The following TTK variants were observed in gnomAD, a reference collection of about 807,000 sequenced individuals.
The protein encoded by TTK is TTK protein kinase.
Under a neutral mutation model 117.3 loss-of-function variants are expected in TTK, and 59 were observed. That is an observed-to-expected ratio of 0.50 (90% CI 0.41 to 0.62). The LOEUF is 0.62. Ranked by LOEUF, TTK falls within the 20% of genes least tolerant of loss-of-function variation. The pLI is 0.00. For missense variants in TTK, 921 were observed against 989.4 expected (o/e 0.93, Z 0.93); for synonymous variants, 302 against 325.0 (o/e 0.93, Z 0.76).
At chr6:80,035,178 T>C in intron 15 of TTK, 36 bp downstream of exon 15, 11 of 1,529,062 alleles carry the variant, frequency 7.2e-6, no homozygotes, top group Non-Finnish European at 9.6e-6. Context: ...AGAAAACTTT[T>C]TGCCATAATT....
chr6:80,013,489 A>T, intron 9 of TTK, 123 bp downstream of exon 9: 1 of 734,090 alleles, frequency 1.4e-6, no homozygotes. Context: ...AGTGTTCCAC[A>T]TACCCCAAGA....
At chr6:80,031,390 G>T (rs139927731) in intron 13 of TTK, 77 bp from the exon 14 acceptor site, 1 of 699,822 alleles carries the variant, frequency 1.4e-6, no homozygotes, top group Non-Finnish European at 2.1e-6. Flanking sequence ...AAAATGGGGA[G>T]CAGTTGACTG....
chr6:80,011,766 C>A lies in TTK; in HGVS notation c.766C>A (p.Arg256=). ...ACCACAAGATGCAGAAATAGGTTAC[C>A]GGAATTCATTGAGACAAACTAACAA... The part of the protein sequence containing the change: ...MPPQDAEIGY[R]NSLRQTNKTK... Residue 256 remains arginine, a synonymous_variant, in exon 7 of 22, where the codon CGG becomes AGG. Transcript: ENST00000369798. The A allele has an allele frequency of 6.2e-7, 1 of 1,612,600 alleles. No individual in the cohort carries two copies. The highest frequency in any genetic ancestry group is 8.5e-7 in the Non-Finnish European group (1 of 1,179,146).
chr6:80,024,140 ACCTT>A lies in TTK; in HGVS notation c.1257+1670_1257+1673del, dbSNP rs559763562. On this transcript the variant is annotated intron_variant, in intron 11 of 21. Transcript: ENST00000369798. ...TGGCAAGGATGTGGAGAATTTTAGA[ACCTT>A]CATATGCTGCTAGTGGGAATGTAAA... 4.7e-4 allele frequency among the ~76,000 whole-genome samples: 71 copies of A among 152,340 alleles called. 1 individual carries two copies. In the South Asian group the frequency reaches 0.011, roughly 24 times the overall value.
chr6:80,011,054 T>A (rs1342452743), intron 5 of TTK, 97 bp downstream of exon 5: 1 of 1,348,592 alleles, frequency 7.4e-7, no homozygotes, highest in Non-Finnish European at 9.8e-7. Flanking sequence ...TTATGTAGAA[T>A]GGTTAAAATC....
chr6:80,035,731 A>G (rs1266180457), intron 16 of TTK, among the ~76,000 whole-genome samples: 1 of 152,136 alleles, frequency 6.6e-6, no homozygotes, highest in East Asian at 1.9e-4. Flanking sequence ...GGGTTCAGGC[A>G]TCCTGAAAAT....
intron 18 of TTK, 36 bp from the exon 19 acceptor site, chr6:80,039,660 C>G: frequency 6.8e-7 from 1 of 1,460,598 alleles, no homozygotes; most frequent in Non-Finnish European, 9.0e-7. Flanking sequence ...ATGAAAATAA[C>G]AGCAACTTTT....
At position 80,026,259 on chromosome 6, in the gene TTK, A is replaced by G. The variant is rs1255667235; in HGVS notation, c.1258-119A>G. 6 of 1,039,102 alleles carry G rather than the reference A, an allele frequency of 5.8e-6. No individual in the cohort carries two copies. In the Admixed American group the frequency reaches 1.5e-4, roughly 25 times the overall value. 64.4% of individuals were successfully genotyped at this position (1,039,102 alleles called of 1,614,324 possible). ...ATGTATATATATGCCTATCTCTTTT[A>G]GTATGCCTTTGTATATCATATGTTA... is the stretch of plus-strand genomic sequence containing the variant. On this transcript the variant is annotated intron_variant, in intron 11 of 21. Transcript: ENST00000369798.
chr6:80,036,609 A>G lies in TTK; in HGVS notation c.2049+10A>G, dbSNP rs1371468757. On this transcript the variant is annotated intron_variant, in intron 17 of 21. Coordinates refer to ENST00000369798, the MANE Select transcript of TTK (RefSeq NM_003318.5). ...TGTTAAAGATTCTCAGGTAAGACTT[A>G]ATGTTGGTTCTCTCACAGTAGAGTT... 1.1e-5 allele frequency: 17 copies of G among 1,602,560 alleles called. No homozygotes were observed. The highest frequency in any genetic ancestry group is 1.4e-5 in the Non-Finnish European group (17 of 1,175,254).
Position 80,038,013 on chromosome 6 carries a change from C to A in TTK, c.2096C>A (p.Ser699Tyr). ...CCACCAGAAGCAATCAAAGATATGT[C>A]TTCCTCCAGAGAGAATGGGAAATCT... ...YMPPEAIKDM[S>Y]SSRENGKSKS... The change falls in exon 18 of 22, where the codon TCT (serine) becomes TAT (tyrosine). Residue 699 changes from serine (S) to tyrosine (Y), a missense_variant. Ser to Tyr is a moderately radical substitution (Grantham distance 144). Transcript: ENST00000369798. The A allele has an allele frequency of 6.2e-7, 1 of 1,610,210 alleles. No individual in the cohort carries two copies. The highest frequency in any genetic ancestry group is 8.5e-7 in the Non-Finnish European group (1 of 1,177,828).
intron 17 of TTK, 153 bp from the exon 18 acceptor site, chr6:80,037,814 C>T: frequency 3.2e-6 from 1 of 314,100 alleles, no homozygotes; most frequent in South Asian, 1.1e-4. Context: ...TATAATTACC[C>T]AAGTTTCCAA....
intron 12 of TTK, among the ~76,000 whole-genome samples, chr6:80,027,052 C>CT (rs757233460): frequency 5.8e-4 from 88 of 152,098 alleles, no homozygotes; most frequent in African/African-American, 2.0e-3. Flanking sequence ...ACAAGGGATA[C>CT]TACAAAAGAA....
At chr6:80,022,548 GTTTTC>G (rs1767489426) in intron 11 of TTK, 76 bp downstream of exon 11, 1 of 1,447,336 alleles carries the variant, frequency 6.9e-7, no homozygotes, top group African/African-American at 1.4e-5. Context: ...CATATTAAAT[GTTTTC>G]TTTTATTAAA....
At chr6:80,006,407 G>A (rs568837204) in intron 2 of TTK, among the ~76,000 whole-genome samples, 24 of 152,230 alleles carry the variant, frequency 1.6e-4, no homozygotes, top group Middle Eastern at 6.8e-3. Context: ...AATCATGGTG[G>A]CTGACTGTTC....
In TTK at chr6:80,035,285, ATC is replaced by A. The variant is rs1206040259; in HGVS notation, c.1794_1795del (p.Tyr599HisfsTer9). On this transcript the variant is annotated frameshift_variant, in exon 16 of 22. Coordinates refer to ENST00000369798, the MANE Select transcript of TTK (RefSeq NM_003318.5). LOFTEE classifies it high-confidence loss of function. ...TTGCAGTGAAATCACGGACCAGTAC[ATC>A]TACATGGTAATGGAGTGTGGAAATA... ...LYDYEITDQY[I>X]YMVMECGNID... 1 of 1,604,924 alleles carries A rather than the reference ATC, an allele frequency of 6.2e-7. No individual in the cohort carries two copies. The highest frequency in any genetic ancestry group is 8.5e-7 in the Non-Finnish European group (1 of 1,177,322).
intron 11 of TTK, among the ~76,000 whole-genome samples, chr6:80,024,778 G>T (rs765728453): frequency 2.8e-4 from 43 of 152,184 alleles, no homozygotes; most frequent in Non-Finnish European, 4.4e-4. Flanking sequence ...TGTGGATACT[G>T]CTTGTCCAGC....
intron 20 of TTK, 23 bp downstream of exon 20, chr6:80,040,303 T>C (rs1335291040): frequency 6.5e-7 from 1 of 1,547,136 alleles, no homozygotes. Flanking sequence ...TAAAAATTTG[T>C]TTATTACTAG....
chr6:80,015,679 A>G (rs925916112), intron 10 of TTK, among the ~76,000 whole-genome samples: 1 of 152,224 alleles, frequency 6.6e-6, no homozygotes, highest in African/African-American at 2.4e-5. Flanking sequence ...GGTATGATTG[A>G]GAAAATCATC....
At chr6:80,025,635 T>C (rs577738705) in intron 11 of TTK, among the ~76,000 whole-genome samples, 2 of 152,358 alleles carry the variant, frequency 1.3e-5, no homozygotes, top group Non-Finnish European at 2.9e-5. Flanking sequence ...AGATGGGCTC[T>C]GTTGTAGCTT....
Sources: gnomAD v4.1 joint callset for allele counts (sites outside exome capture counted in the v4.1 genomes callset) on GRCh38, gnomAD v4.1.1 for gene constraint, MANE v1.5 for transcripts, NCBI Gene and HGNC (gene_info 2026-07-23, HGNC 2026-07-21) for gene names.